Variants in KCNB2 observed in about 807,000 individuals in gnomAD.
The protein encoded by KCNB2 is delayed rectifier potassium channel protein.
Under a neutral mutation model 61.5 loss-of-function variants are expected in KCNB2, and 15 were observed. The observed-to-expected ratio is 0.24, with a 90% CI of 0.16 to 0.38. The LOEUF (loss-of-function observed/expected upper bound fraction) is 0.38. Ranked by LOEUF, KCNB2 falls within the 10% of genes least tolerant of loss-of-function variation. KCNB2 has a pLI of 1.00. For missense variants in KCNB2, 828 were observed against 1,125.2 expected, an observed-to-expected ratio of 0.74 and a Z score of 3.78; for synonymous variants, 457 against 446.0, an observed-to-expected ratio of 1.02 and a Z score of -0.31.
At chr8:72,712,206 G>T (rs1045908109) in intron 2 of KCNB2, among the ~76,000 whole-genome samples, 2 of 152,144 alleles carry the variant, frequency 1.3e-5, no homozygotes, top group African/African-American at 4.8e-5. Flanking sequence ...AAGGCAATGA[G>T]GTGATAGGAA....
At chr8:72,887,819 GC>G (rs1174581300) in intron 2 of KCNB2, among the ~76,000 whole-genome samples, 1 of 152,192 alleles carries the variant, frequency 6.6e-6, no homozygotes, top group Non-Finnish European at 1.5e-5. Context: ...CCAGATGGAA[GC>G]CAGGGCCCTA....
intron 2 of KCNB2, among the ~76,000 whole-genome samples, chr8:72,798,218 C>G (rs1163781640): frequency 1.3e-5 from 2 of 152,160 alleles, no homozygotes; most frequent in Non-Finnish European, 2.9e-5. Context: ...ATTAGTGATA[C>G]CCATAGGAAC....
intron 2 of KCNB2, among the ~76,000 whole-genome samples, chr8:72,862,101 C>T (rs1373655394): frequency 6.6e-6 from 1 of 152,128 alleles, no homozygotes; most frequent in Non-Finnish European, 1.5e-5. Context: ...CACTGCACTC[C>T]AGGCTGATGG....
At chr8:72,827,909 T>C (rs1300742921) in intron 2 of KCNB2, among the ~76,000 whole-genome samples, 1 of 151,104 alleles carries the variant, frequency 6.6e-6, no homozygotes, top group Non-Finnish European at 1.5e-5. Context: ...ACCTCCGGGG[T>C]TCAAATGATT....
intron 2 of KCNB2, among the ~76,000 whole-genome samples, chr8:72,701,245 A>T (rs2196905): frequency 0.25 from 38,135 of 151,756 alleles, 8,161 homozygotes; most frequent in African/African-American, 0.58. Flanking sequence ...ATTATTTTTT[A>T]AAAAAAAGAG....
chr8:72,642,749 C>G (rs1806076527), intron 2 of KCNB2, among the ~76,000 whole-genome samples: 1 of 152,256 alleles, frequency 6.6e-6, no homozygotes, highest in Non-Finnish European at 1.5e-5. Flanking sequence ...TAAAACTGCT[C>G]GCTGCTGCTT....
At chr8:72,852,312 T>C (rs1371018106) in intron 2 of KCNB2, among the ~76,000 whole-genome samples, 1 of 152,154 alleles carries the variant, frequency 6.6e-6, no homozygotes, top group East Asian at 1.9e-4. Flanking sequence ...TTCCCAGATA[T>C]AACTTTTAGA....
intron 2 of KCNB2, among the ~76,000 whole-genome samples, chr8:72,891,856 A>T (rs1585956606): frequency 6.6e-6 from 1 of 152,266 alleles, no homozygotes; most frequent in African/African-American, 2.4e-5. Context: ...AACACATCCC[A>T]CTTTCTACCA....
At chr8:72,852,749 A>AC (rs1810140381) in intron 2 of KCNB2, among the ~76,000 whole-genome samples, 1 of 38,742 alleles carries the variant, frequency 2.6e-5, no homozygotes, top group African/African-American at 5.5e-5. Flanking sequence ...AGTACTGAAA[A>AC]GTTTTAATTG....
intron 2 of KCNB2, among the ~76,000 whole-genome samples, chr8:72,660,004 A>C (rs1216359567): frequency 6.6e-6 from 1 of 152,242 alleles, no homozygotes; most frequent in Admixed American, 6.5e-5. Context: ...GGACACAATT[A>C]ACCTATGACA....
intron 2 of KCNB2, among the ~76,000 whole-genome samples, chr8:72,852,912 G>A (rs576177074): frequency 6.6e-5 from 10 of 152,186 alleles, no homozygotes; most frequent in Non-Finnish European, 1.3e-4. Flanking sequence ...CATCAAAATA[G>A]TGACTATTTG....
chr8:72,938,074 C>T lies in KCNB2; in HGVS notation c.2719C>T (p.Arg907Cys), dbSNP rs567445185. ...AGGAGACACAGGTTATTGTCCCACA[C>T]GTGAAACCAGCATGTGACTAGTTAC... ...NPGDTGYCPTRETSM is the reference protein window; with the variant it reads ...NPGDTGYCPTCETSM Residue 907 changes from arginine to cysteine, a missense_variant, in exon 3 of 3, where the codon CGT becomes TGT. Physicochemically the swap from Arg to Cys is radical, Grantham distance 180. Transcript: ENST00000523207. The T allele has an allele frequency of 3.1e-6, 5 of 1,606,120 alleles. No homozygotes were observed. The highest frequency in any genetic ancestry group is 1.3e-5 in the African/African-American group (1 of 74,670).
At chr8:72,913,486 A>C (rs1217396911) in intron 2 of KCNB2, among the ~76,000 whole-genome samples, 1 of 152,216 alleles carries the variant, frequency 6.6e-6, no homozygotes, top group African/African-American at 2.4e-5. Flanking sequence ...GGTACTTTTG[A>C]GGGTACTGCA....
At chr8:72,808,245 A>G (rs1030095661) in intron 2 of KCNB2, among the ~76,000 whole-genome samples, 1 of 152,224 alleles carries the variant, frequency 6.6e-6, no homozygotes. Flanking sequence ...ATCACTGATA[A>G]ATTTTAAAAT....
chr8:72,621,218 G>A (rs1805708222), intron 2 of KCNB2, among the ~76,000 whole-genome samples: 1 of 152,202 alleles, frequency 6.6e-6, no homozygotes, highest in East Asian at 1.9e-4. Flanking sequence ...TTTGTTCCAA[G>A]TGACTCAATC....
chr8:72,740,372 G>A (rs1563576267), intron 2 of KCNB2, among the ~76,000 whole-genome samples: 1 of 152,152 alleles, frequency 6.6e-6, no homozygotes, highest in Non-Finnish European at 1.5e-5. Flanking sequence ...GAATGCCTCA[G>A]ATCAAGATTC....
At chr8:72,840,818 G>A (rs1343591081) in intron 2 of KCNB2, among the ~76,000 whole-genome samples, 1 of 151,984 alleles carries the variant, frequency 6.6e-6, no homozygotes, top group Admixed American at 6.6e-5. Flanking sequence ...TTGTCAGATG[G>A]ATAGATTGCA....
At chr8:72,722,528 C>A (rs961645655) in intron 2 of KCNB2, among the ~76,000 whole-genome samples, 1 of 152,206 alleles carries the variant, frequency 6.6e-6, no homozygotes. Flanking sequence ...CTTTGTCTAG[C>A]TAACACCTGT....
At chr8:72,909,826 G>A (rs1026279444) in intron 2 of KCNB2, among the ~76,000 whole-genome samples, 6 of 152,130 alleles carry the variant, frequency 3.9e-5, no homozygotes, top group African/African-American at 1.2e-4. Context: ...CGGGATGGTG[G>A]GACCTTCCCC....
Sources: allele counts gnomAD v4.1 joint callset (sites outside exome capture counted in the v4.1 genomes callset), GRCh38; gene constraint gnomAD v4.1.1; transcripts MANE v1.5; gene names NCBI Gene and HGNC (gene_info 2026-07-23, HGNC 2026-07-21).